Variants in ATRN observed in about 807,000 individuals in gnomAD.
ATRN encodes the protein attractin, also known as attractin-2.
A neutral mutation model predicts 178.7 loss-of-function variants in ATRN; 54 were observed. That is an observed-to-expected ratio of 0.30 (90% confidence interval 0.24 to 0.38). The LOEUF (loss-of-function observed/expected upper bound fraction) is 0.38. Ranked by LOEUF, ATRN falls within the 10% of genes least tolerant of loss-of-function variation. ATRN has a pLI of 1.00. For synonymous variants in ATRN, 636 were observed against 663.0 expected, an observed-to-expected ratio of 0.96 and a Z score of 0.63; for missense variants, 1,443 against 1,815.1, an observed-to-expected ratio of 0.79 and a Z score of 3.73.
chr20:3,500,965 A>G (rs1439243235), intron 1 of ATRN, among the ~76,000 whole-genome samples: 1 of 152,158 alleles, frequency 6.6e-6, no homozygotes, highest in Non-Finnish European at 1.5e-5. Context: ...AACTAAATGT[A>G]TATTAAGTTT....
At chr20:3,601,119 T>C in intron 23 of ATRN, 95 bp downstream of exon 23, 1 of 1,203,638 alleles carries the variant, frequency 8.3e-7, no homozygotes, top group Non-Finnish European at 1.2e-6. Flanking sequence ...GGAGACAGAT[T>C]GGTTTGAAAC....
rs772407407 is a variant in ATRN at position 3,584,680 on chromosome 20, A to G, written c.2984A>G (p.His995Arg). ...ENCSGYCTCS[H>R]CLEQPGCGWC... ...TGTTCAGGCTACTGTACCTGTAGTC[A>G]TTGCTTGGAGCAACCAGGCTGTGGC... Residue 995 changes from histidine (H) to arginine (R), a missense_variant, in exon 18 of 29, where the codon CAT becomes CGT. Transcript: ENST00000262919. 14 of 1,613,836 alleles carry G rather than the reference A, an allele frequency of 8.7e-6. No homozygotes were observed. Among genetic ancestry groups the G allele is most frequent in the Non-Finnish European group, 1.2e-5 (14 of 1,180,012 alleles).
intron 3 of ATRN, among the ~76,000 whole-genome samples, chr20:3,541,634 A>G (rs1306726445): frequency 6.6e-6 from 1 of 152,220 alleles, no homozygotes; most frequent in East Asian, 1.9e-4. Flanking sequence ...AAACATATCT[A>G]TACATGGAAA....
intron 12 of ATRN, among the ~76,000 whole-genome samples, chr20:3,574,130 T>C (rs1378126573): frequency 6.6e-6 from 1 of 152,242 alleles, no homozygotes; most frequent in African/African-American, 2.4e-5. Context: ...GGTGTTGCAG[T>C]TAACTTGAGA....
At chr20:3,631,931 TCTC>T (rs1321307584) in intron 25 of ATRN, among the ~76,000 whole-genome samples, 1 of 152,168 alleles carries the variant, frequency 6.6e-6, no homozygotes, top group Non-Finnish European at 1.5e-5. Context: ...TTCTTCCTGT[TCTC>T]CTCAACTTCT....
In ATRN at chr20:3,582,100, A is replaced by G. The variant is rs570836831; in HGVS notation, c.2545-35A>G. ...AAAATTTAAATTAAAAAAAGATACT[A>G]TCTGTATTCATAGTTGTGTCTCTTT... On this transcript the variant is annotated intron_variant, in intron 15 of 28. Coordinates refer to ENST00000262919, the MANE Select transcript of ATRN (RefSeq NM_139321.3). The G allele has an allele frequency of 7.7e-6, 12 of 1,555,904 alleles. No homozygotes were observed. In the African/African-American group the frequency reaches 1.5e-4, roughly 19 times the overall value.
chr20:3,612,192 G>T (rs976773077), intron 24 of ATRN, among the ~76,000 whole-genome samples: 2 of 152,088 alleles, frequency 1.3e-5, no homozygotes, highest in Non-Finnish European at 2.9e-5. Flanking sequence ...AAAAAGAAAT[G>T]AACTGTTGAT....
intron 1 of ATRN, among the ~76,000 whole-genome samples, chr20:3,482,750 A>G (rs2084639202): frequency 6.6e-6 from 1 of 152,182 alleles, no homozygotes; most frequent in African/African-American, 2.4e-5. Flanking sequence ...CTGTCTTTTA[A>G]TGGGAGCAGT....
At chr20:3,551,006 G>A (rs1000131881) in intron 6 of ATRN, among the ~76,000 whole-genome samples, 1 of 152,198 alleles carries the variant, frequency 6.6e-6, no homozygotes, top group Non-Finnish European at 1.5e-5. Flanking sequence ...TTCTTCTGTG[G>A]TGGACACTGT....
At chr20:3,616,248 A>G (rs948301884) in intron 24 of ATRN, among the ~76,000 whole-genome samples, 1 of 152,056 alleles carries the variant, frequency 6.6e-6, no homozygotes, top group African/African-American at 2.4e-5. Flanking sequence ...TCTCTAGCAG[A>G]CTTCTCTCCT....
At chr20:3,586,998 A>G (rs1379148823) in intron 18 of ATRN, among the ~76,000 whole-genome samples, 1 of 152,244 alleles carries the variant, frequency 6.6e-6, no homozygotes, top group African/African-American at 2.4e-5. Context: ...AATGAAATTG[A>G]ACATCAACTT....
intron 1 of ATRN, chr20:3,491,067 G>A: frequency 6.2e-6 from 5 of 812,736 alleles, no homozygotes; most frequent in Non-Finnish European, 1.0e-5. Context: ...CTGGTTAAAG[G>A]AAATGCAGTG....
chr20:3,607,192 A>G (rs1232049739), intron 24 of ATRN, among the ~76,000 whole-genome samples: 4 of 152,248 alleles, frequency 2.6e-5, no homozygotes, highest in Admixed American at 2.6e-4. Context: ...TAATGATCAA[A>G]TAAGAGTAAT....
intron 1 of ATRN, among the ~76,000 whole-genome samples, chr20:3,483,303 G>T (rs148996171): frequency 3.0e-4 from 46 of 152,216 alleles, no homozygotes; most frequent in Non-Finnish European, 2.5e-4. Flanking sequence ...CTGCTGATGG[G>T]CATTTAGAGT....
chr20:3,619,374 G>A (rs946439799), intron 24 of ATRN, among the ~76,000 whole-genome samples: 2 of 152,180 alleles, frequency 1.3e-5, no homozygotes, highest in Non-Finnish European at 2.9e-5. Flanking sequence ...GGAAACTCTG[G>A]TATTGACTTA....
chr20:3,646,916 G>T lies in ATRN; in HGVS notation c.*69G>T, dbSNP rs1421683407. The T allele has an allele frequency of 8.8e-6, 14 of 1,582,062 alleles. No individual in the cohort carries two copies. The highest frequency in any genetic ancestry group is 1.2e-5 in the Non-Finnish European group (14 of 1,163,212). ...ACACCAGAGCCATCTGCAGGGAAGG[G>T]CGTGGCGGGGAAATGGCTGTGCGGT... On this transcript the variant is annotated 3_prime_UTR_variant, in exon 29 of 29. Transcript: ENST00000262919.
intron 1 of ATRN, among the ~76,000 whole-genome samples, chr20:3,492,860 CGCGCGCGT>C (rs949482057): frequency 6.5e-5 from 8 of 122,704 alleles, no homozygotes; most frequent in African/African-American, 1.9e-4. Flanking sequence ...GAGAGGCGCG[CGCGCGCGT>C]GCGCACGCAC....
chr20:3,601,131 C>A, intron 23 of ATRN, 107 bp downstream of exon 23: 1 of 881,702 alleles, frequency 1.1e-6, no homozygotes, highest in Non-Finnish European at 1.8e-6. Flanking sequence ...GTTTGAAACC[C>A]ACCCTTGCCA....
rs1330517720 is a variant in ATRN at position 3,540,105 on chromosome 20, G to A, written c.495-117G>A. 5.5e-6 allele frequency: 3 copies of A among 546,656 alleles called. No homozygotes were observed. In the African/African-American group the frequency reaches 5.8e-5, roughly 11 times the overall value. 33.9% of individuals were successfully genotyped at this position (546,656 alleles called of 1,614,324 possible). On this transcript the variant is annotated intron_variant, in intron 2 of 28. Transcript: ENST00000262919. ...CTTTGACAAATGAAGGAATACTGGT[G>A]GGGCAGTTGTTAGACTGTGTTACAT...
Sources: allele counts gnomAD v4.1 joint callset (sites outside exome capture counted in the v4.1 genomes callset), GRCh38; gene constraint gnomAD v4.1.1; transcripts MANE v1.5; gene names NCBI Gene and HGNC (gene_info 2026-07-23, HGNC 2026-07-21).